ETS1: variants seen among roughly 807,000 people sequenced by gnomAD.
ETS1 encodes the protein protein C-ets-1.
A neutral mutation model predicts 58.6 loss-of-function variants in ETS1; 15 were observed. The observed-to-expected ratio is 0.26, with a 90% confidence interval of 0.17 to 0.39. The LOEUF (loss-of-function observed/expected upper bound fraction) is 0.39. ETS1 is among the 10% of genes least tolerant of loss of function. The pLI, the probability that ETS1 is intolerant of heterozygous loss-of-function variation, is 1.00. For synonymous variants in ETS1, 214 were observed against 218.2 expected, an observed-to-expected ratio of 0.98 and a Z score of 0.17; for missense variants, 417 against 610.5, an observed-to-expected ratio of 0.68 and a Z score of 3.34.
chr11:128,510,108 T>C (rs2135498194), intron 3 of ETS1, among the ~76,000 whole-genome samples: 1 of 152,330 alleles, frequency 6.6e-6, no homozygotes, highest in East Asian at 1.9e-4. Context: ...CTTGATCTTA[T>C]ATGAAATAAG....
At chr11:128,579,591 G>C (rs913088424) in intron 1 of ETS1, among the ~76,000 whole-genome samples, 2 of 150,816 alleles carry the variant, frequency 1.3e-5, no homozygotes, top group South Asian at 4.2e-4. Flanking sequence ...AGCCTGGGAG[G>C]CAGAGGTTGC....
chr11:128,463,255 C>A lies in ETS1; in HGVS notation c.1242+254G>T, dbSNP rs939211655. On this transcript the variant is annotated intron_variant, in intron 9 of 9. Transcript: ENST00000392668. The surrounding 1 kb of genome is among the most constrained non-coding windows in gnomAD (Gnocchi z 4.1). ...CAGGAGGCAGCTCTATGGGTGATAACTGACCTACTGCCAGGCACGTTAATG... is the reference window on the plus strand; with the variant it reads ...CAGGAGGCAGCTCTATGGGTGATAAATGACCTACTGCCAGGCACGTTAATG... 6.6e-6 allele frequency among the ~76,000 whole-genome samples: 1 copy of A among 152,330 alleles called. No individual in the cohort carries two copies. Among genetic ancestry groups the A allele is most frequent in the East Asian group, 1.9e-4 (1 of 5,186 alleles).
At chr11:128,586,401 GC>G (rs147943584) in intron 1 of ETS1, among the ~76,000 whole-genome samples, 10,498 of 152,160 alleles carry the variant, frequency 0.069, 523 homozygotes, top group South Asian at 0.14. Flanking sequence ...CTTGTGCACA[GC>G]CCACGGCCCC....
chr11:128,495,931 G>C (rs2135471629), intron 3 of ETS1, among the ~76,000 whole-genome samples: 1 of 152,188 alleles, frequency 6.6e-6, no homozygotes, highest in South Asian at 2.1e-4. Flanking sequence ...TAAAAGTAGA[G>C]AGAAACTCTA....
At chr11:128,569,331 T>TTTTTTTTTTTTTTTTTTTTTG (rs1864578264) in intron 2 of ETS1, among the ~76,000 whole-genome samples, 1 of 121,518 alleles carries the variant, frequency 8.2e-6, no homozygotes, top group African/African-American at 3.0e-5. Flanking sequence ...TTTTTTTTTT[T>TTTTTTTTTTTTTTTTTTTTTG]TTTTTTTTTT....
chr11:128,550,413 G>A (rs1032834333), intron 3 of ETS1, among the ~76,000 whole-genome samples: 1 of 152,240 alleles, frequency 6.6e-6, no homozygotes, highest in South Asian at 2.1e-4. Context: ...CACTTATGGA[G>A]AATAGGGTCA....
At position 128,585,191 on chromosome 11, in the gene ETS1, AAG is replaced by A. The variant is rs1436023353; in HGVS notation, c.-15+2295_-15+2296del. On this transcript the variant is annotated intron_variant, in intron 1 of 9. Transcript: ENST00000392668. ...AAGAGAAAGAAAGAAAGAAAGAAGG[AAG>A]GAAAGAAAGAAAGAAAGAAAGAAAG... is the stretch of plus-strand genomic sequence containing the variant. Among the ~76,000 whole-genome samples, 42 of 41,116 alleles carry A rather than the reference AAG, an allele frequency of 1.0e-3. 8 individuals carry two copies. Among genetic ancestry groups the A allele is most frequent in the African/African-American group, 3.5e-3 (27 of 7,678 alleles). The allele number at this position is 41,116 out of a possible 152,430, so 27.0% of individuals were successfully genotyped here. A position where few individuals can be genotyped will look rare whatever the true frequency, so the allele number is the denominator to read the frequency against.
chr11:128,536,511 G>C (rs926364229), intron 3 of ETS1: 1 of 152,078 alleles, frequency 6.6e-6, no homozygotes, highest in African/African-American at 2.4e-5. Context: ...CAATACATTG[G>C]GTAAACAGAC....
intron 3 of ETS1, among the ~76,000 whole-genome samples, chr11:128,524,908 G>A (rs999780212): frequency 1.3e-5 from 2 of 151,924 alleles, no homozygotes; most frequent in Middle Eastern, 3.2e-3. Context: ...CAGCACTCAC[G>A]TCCACTCGGT....
intron 2 of ETS1, among the ~76,000 whole-genome samples, chr11:128,568,729 G>A (rs1209383619): frequency 6.6e-6 from 1 of 152,150 alleles, no homozygotes; most frequent in Non-Finnish European, 1.5e-5. Context: ...AACCACTGTG[G>A]CTCCCATGGT....
chr11:128,507,555 C>G (rs542757353), intron 3 of ETS1, among the ~76,000 whole-genome samples: 124 of 152,298 alleles, frequency 8.1e-4, no homozygotes, highest in African/African-American at 2.1e-3. Context: ...GTGCCAGATT[C>G]TGGCTATAAA....
intron 7 of ETS1, among the ~76,000 whole-genome samples, chr11:128,483,161 G>A (rs1212389782): frequency 6.6e-6 from 1 of 152,184 alleles, no homozygotes; most frequent in Non-Finnish European, 1.5e-5. Flanking sequence ...GAACTTGGAG[G>A]GAGGGAAGAA....
intron 9 of ETS1, 108 bp from the exon 10 acceptor site, chr11:128,462,684 T>C (rs113964422): frequency 1.2e-5 from 9 of 773,174 alleles, no homozygotes; most frequent in African/African-American, 8.7e-5. Context: ...TGACCCATGA[T>C]GCTCAAGTAA....
At chr11:128,497,954 C>G (rs923449278) in intron 3 of ETS1, among the ~76,000 whole-genome samples, 3 of 147,762 alleles carry the variant, frequency 2.0e-5, no homozygotes, top group African/African-American at 7.5e-5. Context: ...GTTCAAATCT[C>G]CCACCCTAAA....
chr11:128,478,472 AGGAAGGAAG>A (rs1862395406), intron 8 of ETS1, among the ~76,000 whole-genome samples: 2 of 150,566 alleles, frequency 1.3e-5, no homozygotes, highest in African/African-American at 4.9e-5. Flanking sequence ...GAAGGAAGGA[AGGAAGGAAG>A]GAAGGGCAGA....
At chr11:128,468,717 A>C (rs1862105453) in intron 8 of ETS1, among the ~76,000 whole-genome samples, 1 of 152,086 alleles carries the variant, frequency 6.6e-6, no homozygotes, top group South Asian at 2.1e-4. Flanking sequence ...TTACACCAAG[A>C]CCACCCCATT....
At position 128,463,367 on chromosome 11, in the gene ETS1, G is replaced by A; in HGVS notation, c.1242+142C>T. 3 of 638,230 alleles carry A rather than the reference G, an allele frequency of 4.7e-6. No individual in the cohort carries two copies. Among genetic ancestry groups the A allele is most frequent in the South Asian group, 1.8e-5 (1 of 54,268 alleles). The allele number at this position is 638,230 out of a possible 1,614,324, so 39.5% of individuals were successfully genotyped here. The stretch of plus-strand genomic sequence containing the variant: ...AATAATGAACCTGGAGCTCAGACAG[G>A]CTACCTAGCTTGCTCCGGGTGGCAA... On this transcript the variant is annotated intron_variant, in intron 9 of 9. Coordinates refer to ENST00000392668, the MANE Select transcript of ETS1 (RefSeq NM_001143820.2). The surrounding 1 kb of genome is among the most constrained non-coding windows in gnomAD (Gnocchi z 4.1).
At chr11:128,559,307 C>A (rs745951572) in intron 2 of ETS1, among the ~76,000 whole-genome samples, 1 of 152,164 alleles carries the variant, frequency 6.6e-6, no homozygotes, top group African/African-American at 2.4e-5. Flanking sequence ...GGTAGATAAT[C>A]GGTAAGTAGG....
intron 3 of ETS1, among the ~76,000 whole-genome samples, chr11:128,538,546 T>C (rs1305139152): frequency 6.6e-6 from 1 of 152,210 alleles, no homozygotes; most frequent in African/African-American, 2.4e-5. Flanking sequence ...ACAAAGAGTG[T>C]AACTTTTGGC....
Sources: gnomAD v4.1 joint callset for allele counts (sites outside exome capture counted in the v4.1 genomes callset) on GRCh38, gnomAD v4.1.1 for gene constraint, Gnocchi (gnomAD v3.1) non-coding constraint, MANE v1.5 for transcripts, NCBI Gene and HGNC (gene_info 2026-07-23, HGNC 2026-07-21) for gene names.